Variants in SERPINE2 observed in about 807,000 individuals in gnomAD.
SERPINE2 encodes the protein glia-derived nexin.
In SERPINE2, 14 loss-of-function variants were observed where a neutral mutation model predicts 36.3. The observed-to-expected ratio is 0.39, with a 90% confidence interval of 0.25 to 0.60. SERPINE2 has a LOEUF of 0.60. Ranked by LOEUF, SERPINE2 falls within the 20% of genes least tolerant of loss-of-function variation. The pLI is 0.57. For missense variants in SERPINE2, 418 were observed against 499.6 expected (o/e 0.84, Z 1.56); for synonymous variants, 192 against 191.8 (o/e 1.00, Z -0.01).
intron 3 of SERPINE2, among the ~76,000 whole-genome samples, chr2:223,995,371 C>T (rs1185877329): frequency 6.6e-6 from 1 of 152,144 alleles, no homozygotes; most frequent in African/African-American, 2.4e-5. Context: ...GGGCAGTTCA[C>T]CCCCAGGTAA....
intron 1 of SERPINE2, among the ~76,000 whole-genome samples, chr2:224,010,619 T>C (rs989297122): frequency 4.6e-5 from 7 of 152,202 alleles, no homozygotes; most frequent in Non-Finnish European, 1.0e-4. Context: ...ATTCCAATCC[T>C]ACTACCCATT....
chr2:224,014,733 T>C (rs1371028), intron 1 of SERPINE2, among the ~76,000 whole-genome samples: 125,056 of 152,226 alleles, frequency 0.82, 52,159 homozygotes, highest in Non-Finnish European at 0.91. Context: ...CTTTGTTCCT[T>C]TGAAGTCAGG....
At chr2:223,995,119 AG>A (rs1469228564) in intron 3 of SERPINE2, among the ~76,000 whole-genome samples, 3 of 152,182 alleles carry the variant, frequency 2.0e-5, no homozygotes, top group Non-Finnish European at 4.4e-5. Context: ...TAAGGGGACT[AG>A]GAAGAGGCCT....
At chr2:224,000,213 T>C (rs1419077034) in intron 2 of SERPINE2, among the ~76,000 whole-genome samples, 6 of 152,128 alleles carry the variant, frequency 3.9e-5, no homozygotes, top group Non-Finnish European at 5.9e-5. Context: ...GACTCCCTTG[T>C]TTCCAACGAA....
chr2:224,014,217 A>C (rs548252503), intron 1 of SERPINE2, among the ~76,000 whole-genome samples: 1 of 152,222 alleles, frequency 6.6e-6, no homozygotes, highest in East Asian at 1.9e-4. Context: ...TCTACTAAAA[A>C]TACAAAAATT....
chr2:223,989,284 A>C (rs916334598), intron 4 of SERPINE2, among the ~76,000 whole-genome samples: 1 of 152,218 alleles, frequency 6.6e-6, no homozygotes, highest in African/African-American at 2.4e-5. Context: ...AGAGCTCTTA[A>C]TGATATCTTG....
At chr2:224,031,208 G>T in intron 1 of SERPINE2, 3 of 985,420 alleles carry the variant, frequency 3.0e-6, no homozygotes, top group Non-Finnish European at 3.6e-6. Context: ...CATAAAGGCT[G>T]TGCGACCCTA....
intron 1 of SERPINE2, among the ~76,000 whole-genome samples, chr2:224,003,448 G>A (rs1308423246): frequency 3.9e-5 from 6 of 152,166 alleles, no homozygotes; most frequent in Non-Finnish European, 1.5e-5. Flanking sequence ...TAAGCACACT[G>A]CTTTTAAAAT....
intron 1 of SERPINE2, among the ~76,000 whole-genome samples, chr2:224,006,474 C>T (rs1172645829): frequency 6.6e-6 from 1 of 152,174 alleles, no homozygotes; most frequent in African/African-American, 2.4e-5. Flanking sequence ...GATGTTTTTC[C>T]TGATTGTTAA....
chr2:223,979,280 G>T (rs908823485), intron 7 of SERPINE2: 2 of 152,112 alleles, frequency 1.3e-5, no homozygotes, highest in Non-Finnish European at 2.9e-5. Context: ...TATGTAGCTG[G>T]TCCTGATAGT....
rs118060018 is a variant in SERPINE2, at chr2:224,014,405, C to G, written c.-22-12483G>C. 1.2e-3 allele frequency among the ~76,000 whole-genome samples: 186 copies of G among 152,164 alleles called. 1 individual carries two copies. In the East Asian group the frequency reaches 0.03, roughly 24 times the overall value. ...AAAGAAAAAGAAAAAAAGAAAAATT[C>G]CAGGGAGAACCACTAGGTAAATTGG... On this transcript the variant is annotated intron_variant, in intron 1 of 8. Coordinates refer to ENST00000409304, the MANE Select transcript of SERPINE2 (RefSeq NM_001136528.2).
At chr2:224,037,327 C>T (rs1692567405) in intron 1 of SERPINE2, among the ~76,000 whole-genome samples, 1 of 152,140 alleles carries the variant, frequency 6.6e-6, no homozygotes, top group African/African-American at 2.4e-5. Context: ...CATTGGAGAT[C>T]GCTTGCATTG....
At chr2:224,002,558 T>C (rs1691223197) in intron 1 of SERPINE2, among the ~76,000 whole-genome samples, 1 of 151,986 alleles carries the variant, frequency 6.6e-6, no homozygotes, top group Non-Finnish European at 1.5e-5. Context: ...AGTGGCGCAA[T>C]CTCGGCTCAC....
intron 1 of SERPINE2, among the ~76,000 whole-genome samples, chr2:224,014,677 A>T (rs1407354095): frequency 6.6e-6 from 1 of 152,204 alleles, no homozygotes; most frequent in South Asian, 2.1e-4. Context: ...ACCTGAATAC[A>T]GAAGACTCTA....
At chr2:223,984,238 C>A (rs1690341166) in intron 5 of SERPINE2, among the ~76,000 whole-genome samples, 1 of 152,148 alleles carries the variant, frequency 6.6e-6, no homozygotes, top group Non-Finnish European at 1.5e-5. Context: ...GTTACTTTTC[C>A]CATGGCTTCA....
intron 1 of SERPINE2, among the ~76,000 whole-genome samples, chr2:224,028,021 AAG>A (rs1445543836): frequency 1.3e-5 from 2 of 152,192 alleles, no homozygotes; most frequent in African/African-American, 4.8e-5. Flanking sequence ...AATAGAGAAA[AAG>A]AGCATGAATC....
Position 224,001,870 on chromosome 2 carries a change from C to A in SERPINE2, c.31G>T (p.Ala11Ser), listed in dbSNP as rs770021482. The A allele has an allele frequency of 1.9e-6, 3 of 1,613,876 alleles. No individual in the cohort carries two copies. The highest frequency in any genetic ancestry group is 2.5e-6 in the Non-Finnish European group (3 of 1,179,830). Residue 11 changes from alanine (A) to serine (S), a missense_variant, in exon 2 of 9, where the codon GCC becomes TCC. Physicochemically the swap from Ala to Ser is moderately conservative, Grantham distance 99 (BLOSUM62 1). Transcript: ENST00000409304. ...CAGATGGAAGGCAGCGTCACAGAGG[C>A]CAAGAGGAAGAGGGGGAGATGCCAG... MNWHLPLFLL[A>S]SVTLPSICSH...
chr2:224,000,287 GA>G (rs1353407645), intron 2 of SERPINE2, among the ~76,000 whole-genome samples: 4 of 152,194 alleles, frequency 2.6e-5, no homozygotes, highest in Non-Finnish European at 5.9e-5. Context: ...TGGCCAGGAA[GA>G]GGGGGGGAGC....
intron 1 of SERPINE2, among the ~76,000 whole-genome samples, chr2:224,005,064 A>AAATATATT (rs1553547000): frequency 1.1e-5 from 1 of 89,848 alleles, no homozygotes; most frequent in Non-Finnish European, 1.9e-5. Flanking sequence ...TTTTATATAT[A>AAATATATT]TTATATATAT....
Sources: gnomAD v4.1 joint callset for allele counts (sites outside exome capture counted in the v4.1 genomes callset) on GRCh38, gnomAD v4.1.1 for gene constraint, MANE v1.5 for transcripts, NCBI Gene and HGNC (gene_info 2026-07-23, HGNC 2026-07-21) for gene names.